EPHA7: variants seen among roughly 807,000 people sequenced by gnomAD.
EPHA7 encodes the protein EPH receptor A7, also known as ephrin type-A receptor 7.
In EPHA7, 25 loss-of-function variants were observed where a neutral mutation model predicts 112.6. The ratio of observed to expected loss-of-function variants is 0.22; its 90% CI spans 0.16 to 0.31. The LOEUF is 0.31. Among genes scored for constraint, EPHA7 ranks in the 10% least tolerant of loss-of-function variants. EPHA7 has a pLI of 1.00. For synonymous variants in EPHA7, 437 were observed against 406.5 expected (o/e 1.07, Z -0.90); for missense variants, 962 against 1,212.6 (o/e 0.79, Z 3.07).
chr6:93,317,089 C>T (rs1773852499), intron 5 of EPHA7, among the ~76,000 whole-genome samples: 1 of 152,100 alleles, frequency 6.6e-6, no homozygotes, highest in Non-Finnish European at 1.5e-5. Context: ...CTCTTCTCTC[C>T]TCATTCTTTC....
At chr6:93,246,314 T>C (rs1316699325) in intron 15 of EPHA7, among the ~76,000 whole-genome samples, 1 of 152,108 alleles carries the variant, frequency 6.6e-6, no homozygotes, top group East Asian at 1.9e-4. Context: ...CCTCCCAAAG[T>C]GCTGGGATTA....
At chr6:93,298,380 G>A (rs1223595404) in intron 5 of EPHA7, among the ~76,000 whole-genome samples, 1 of 152,012 alleles carries the variant, frequency 6.6e-6, no homozygotes, top group Non-Finnish European at 1.5e-5. Context: ...TATGGATAAG[G>A]CTTTCAAACA....
At chr6:93,402,727 T>A (rs955796677) in intron 3 of EPHA7, among the ~76,000 whole-genome samples, 6 of 151,540 alleles carry the variant, frequency 4.0e-5, no homozygotes, top group African/African-American at 1.4e-4. Context: ...CTTTCTGTTA[T>A]TTTTTGTTTT....
chr6:93,414,096 T>C (rs1039141205), intron 2 of EPHA7, among the ~76,000 whole-genome samples: 7 of 151,944 alleles, frequency 4.6e-5, no homozygotes, highest in Non-Finnish European at 1.5e-5. Flanking sequence ...TGGACAATTT[T>C]CACTCATATC....
chr6:93,269,282 G>A (rs1476466754), intron 7 of EPHA7, among the ~76,000 whole-genome samples, 195 bp downstream of exon 7: 5 of 151,324 alleles, frequency 3.3e-5, no homozygotes, highest in African/African-American at 9.7e-5. Flanking sequence ...TAAATCACAA[G>A]GTTCTAAAAT....
At chr6:93,390,799 T>G (rs1406075456) in intron 3 of EPHA7, among the ~76,000 whole-genome samples, 1 of 151,914 alleles carries the variant, frequency 6.6e-6, no homozygotes, top group African/African-American at 2.4e-5. Context: ...TTTAAGTATT[T>G]TTGGCAACCT....
chr6:93,267,857 T>G (rs1441095216), intron 7 of EPHA7, among the ~76,000 whole-genome samples: 2 of 151,728 alleles, frequency 1.3e-5, no homozygotes, highest in East Asian at 3.9e-4. Flanking sequence ...AATCTAAAAG[T>G]GTTTTTAAAT....
intron 7 of EPHA7, among the ~76,000 whole-genome samples, chr6:93,268,515 T>A (rs1771057182): frequency 6.6e-6 from 1 of 151,778 alleles, no homozygotes; most frequent in African/African-American, 2.4e-5. Flanking sequence ...TCCAACTTAA[T>A]TTTGATTAGA....
intron 3 of EPHA7, among the ~76,000 whole-genome samples, chr6:93,402,926 T>C (rs1778499840): frequency 6.6e-6 from 1 of 152,032 alleles, no homozygotes. Flanking sequence ...GAAATGCCTT[T>C]TGTTTCCTCA....
intron 11 of EPHA7, among the ~76,000 whole-genome samples, chr6:93,257,748 C>T (rs970169434): frequency 1.1e-4 from 17 of 151,972 alleles, no homozygotes; most frequent in Admixed American, 2.6e-4. Context: ...TCACTGTGTT[C>T]TTCTGACTCC....
chr6:93,324,899 G>A (rs1774240632), intron 5 of EPHA7, among the ~76,000 whole-genome samples: 1 of 151,376 alleles, frequency 6.6e-6, no homozygotes, highest in South Asian at 2.1e-4. Flanking sequence ...TATTGTAGAG[G>A]GCAGAAGGGA....
At chr6:93,266,026 T>C (rs1419264147) in intron 7 of EPHA7, among the ~76,000 whole-genome samples, 1 of 151,652 alleles carries the variant, frequency 6.6e-6, no homozygotes, top group Non-Finnish European at 1.5e-5. Flanking sequence ...AAGAAGATTA[T>C]ACACATTCTC....
intron 3 of EPHA7, among the ~76,000 whole-genome samples, chr6:93,389,146 A>T (rs537252590): frequency 2.0e-5 from 3 of 152,262 alleles, no homozygotes; most frequent in African/African-American, 7.2e-5. Context: ...ACCAAAATAC[A>T]AACCCAGAAA....
rs547887426 is a variant in EPHA7, at chr6:93,366,152, CAA to C, written c.833-7743_833-7742del. Reference sequence around the variant, plus strand: ...AAATGATAAAAAAGAAAAAAAAAGTCAAGTTAGAATATTCTAGTATTATTTTT... The same window carrying C: ...AAATGATAAAAAAGAAAAAAAAAGTCGTTAGAATATTCTAGTATTATTTTT... On this transcript the variant is annotated intron_variant, in intron 3 of 16. Transcript: ENST00000369303. Among the ~76,000 whole-genome samples, 35 of 152,078 alleles carry C rather than the reference CAA, an allele frequency of 2.3e-4. No individual in the cohort carries two copies. In the East Asian group the frequency reaches 4.8e-3, roughly 21 times the overall value.
chr6:93,286,845 T>C (rs1452137348), intron 5 of EPHA7, among the ~76,000 whole-genome samples: 1 of 152,136 alleles, frequency 6.6e-6, no homozygotes, highest in Non-Finnish European at 1.5e-5. Flanking sequence ...AGGGCAAAGG[T>C]TGCGTCTGAA....
In EPHA7 at chr6:93,254,021, C is replaced by A. The variant is rs377405184; in HGVS notation, c.2532+626G>T. Among the ~76,000 whole-genome samples, 107 of 151,918 alleles carry A rather than the reference C, an allele frequency of 7.0e-4. 1 individual carries two copies. Among genetic ancestry groups the A allele is most frequent in the African/African-American group, 2.5e-3 (105 of 41,416 alleles). On this transcript the variant is annotated intron_variant, in intron 14 of 16. Transcript: ENST00000369303. ...GACTACCATCAGTTTCTTTTCTCAA[C>A]GGAAAACAGTATGTTTTATGTTTTA... is the stretch of plus-strand genomic sequence containing the variant.
In EPHA7 at chr6:93,242,541, A is replaced by G. The variant is rs539473321; in HGVS notation, c.*885T>C. ...TGCTTTCAGAGACTTGCCTTCACCA[A>G]CATTCTTCAGATGAAGTGCCTCATT... On this transcript the variant is annotated 3_prime_UTR_variant, in exon 17 of 17. Coordinates refer to ENST00000369303, the MANE Select transcript of EPHA7 (RefSeq NM_004440.4). The G allele has an allele frequency of 9.4e-5, 19 of 202,240 alleles. No homozygotes were observed. The highest frequency in any genetic ancestry group is 1.6e-3 in the Middle Eastern group (1 of 616). 12.5% of individuals were successfully genotyped at this position (202,240 alleles called of 1,614,324 possible).
At chr6:93,284,762 C>G (rs148646873) in intron 5 of EPHA7, among the ~76,000 whole-genome samples, 33 of 151,638 alleles carry the variant, frequency 2.2e-4, no homozygotes, top group East Asian at 1.8e-3. Flanking sequence ...ACCCAAACAC[C>G]TCATGTTCTC....
chr6:93,351,763 C>A (rs1775706735), intron 5 of EPHA7, among the ~76,000 whole-genome samples: 1 of 151,898 alleles, frequency 6.6e-6, no homozygotes, highest in Non-Finnish European at 1.5e-5. Flanking sequence ...TTTTACATTT[C>A]AAAAAGTACC....
Sources: allele counts gnomAD v4.1 joint callset (sites outside exome capture counted in the v4.1 genomes callset), GRCh38; gene constraint gnomAD v4.1.1; transcripts MANE v1.5; gene names NCBI Gene and HGNC (gene_info 2026-07-23, HGNC 2026-07-21).